The following VGLL3 variants were observed in gnomAD, a reference collection of about 807,000 sequenced individuals.
The protein encoded by VGLL3 is vestigial like family member 3.
Under a neutral mutation model 29.2 loss-of-function variants are expected in VGLL3, and 18 were observed. The ratio of observed to expected loss-of-function variants is 0.62; its 90% CI spans 0.43 to 0.91. The LOEUF (loss-of-function observed/expected upper bound fraction) is 0.91. VGLL3 is among the 40% of genes least tolerant of loss of function. The pLI, the probability that VGLL3 is intolerant of heterozygous loss-of-function variation, is 0.00. For missense variants in VGLL3, 440 were observed against 413.2 expected (o/e 1.06, Z -0.56); for synonymous variants, 180 against 151.8 (o/e 1.19, Z -1.36).
rs1313285588 is a variant in VGLL3, at chr3:86,940,677, CAT to C, written c.*6345_*6346del. On this transcript the variant is annotated 3_prime_UTR_variant, in exon 4 of 4. Transcript: ENST00000398399. Reference sequence around the variant, plus strand: ...TTATTGAACAAATTGAAGATAATGACATATGTTTTTATTACAAAGTCTTCCAT... The same window carrying C: ...TTATTGAACAAATTGAAGATAATGACATGTTTTTATTACAAAGTCTTCCAT... 1 of 152,132 alleles carries C rather than the reference CAT, an allele frequency of 6.6e-6. No homozygotes were observed. Among genetic ancestry groups the C allele is most frequent in the African/African-American group, 2.4e-5 (1 of 41,412 alleles). 9.4% of individuals were successfully genotyped at this position (152,132 alleles called of 1,614,324 possible). A position where few individuals can be genotyped will look rare whatever the true frequency, so the allele number is the denominator to read the frequency against.
intron 3 of VGLL3, among the ~76,000 whole-genome samples, chr3:86,958,393 T>A: frequency 6.6e-6 from 1 of 152,198 alleles, no homozygotes; most frequent in Non-Finnish European, 1.5e-5. Flanking sequence ...CCAAGACGTC[T>A]TTTACAATGA....
At chr3:86,953,900 T>C (rs1308798787) in intron 3 of VGLL3, among the ~76,000 whole-genome samples, 2 of 152,200 alleles carry the variant, frequency 1.3e-5, no homozygotes, top group Non-Finnish European at 2.9e-5. Flanking sequence ...ACAATAATTC[T>C]TTTTAAAGTA....
chr3:86,946,957 C>T lies in VGLL3; in HGVS notation c.*67G>A, dbSNP rs1364399893. The T allele has an allele frequency of 2.5e-5, 19 of 767,350 alleles. No individual in the cohort carries two copies. The highest frequency in any genetic ancestry group is 5.1e-5 in the African/African-American group (3 of 58,630). 47.5% of individuals were successfully genotyped at this position (767,350 alleles called of 1,614,324 possible). ...TGTCCTATTGCTGAATGGAAAAACCCGACAGTATCTTTTCCCAGTGGGCCC... is the reference window on the plus strand; with the variant it reads ...TGTCCTATTGCTGAATGGAAAAACCTGACAGTATCTTTTCCCAGTGGGCCC... On this transcript the variant is annotated 3_prime_UTR_variant, in exon 4 of 4. Transcript: ENST00000398399.
At chr3:86,958,014 A>G (rs1413327650) in intron 3 of VGLL3, among the ~76,000 whole-genome samples, 2 of 152,186 alleles carry the variant, frequency 1.3e-5, no homozygotes, top group African/African-American at 4.8e-5. Context: ...TGCACATACG[A>G]TACAGACAAA....
Position 86,990,670 on chromosome 3 carries a change from G to C in VGLL3, c.74C>G (p.Ala25Gly). The change falls in exon 1 of 4, where the codon GCG becomes GGG. Residue 25 changes from alanine to glycine, a missense_variant. Physicochemically the swap from Ala to Gly is moderately conservative, Grantham distance 60. Coordinates refer to ENST00000398399, the MANE Select transcript of VGLL3 (RefSeq NM_016206.4). ...ATAGTAGGCTGTGGGGCAGGTTGTC[G>C]CTGCCATGGGGTTGGGCAGATACTG... ...ASQYLPNPMA[A>G]TTCPTAYYQP... is the part of the protein sequence containing the mutation. 2 of 1,407,030 alleles carry C rather than the reference G, an allele frequency of 1.4e-6. No homozygotes were observed. The highest frequency in any genetic ancestry group is 9.3e-7 in the Non-Finnish European group (1 of 1,076,660). 87.2% of individuals were successfully genotyped at this position (1,407,030 alleles called of 1,614,324 possible). A position where few individuals can be genotyped will look rare whatever the true frequency, so the allele number is the denominator to read the frequency against.
chr3:86,989,066 A>G lies in VGLL3; in HGVS notation c.126+1552T>C, dbSNP rs1394833877. Reference sequence around the variant, plus strand: ...AATTTGCCATTTTCTCTGATACCGAATGTTATTTTCTAGCTCAAAAAAAAG... The same window carrying G: ...AATTTGCCATTTTCTCTGATACCGAGTGTTATTTTCTAGCTCAAAAAAAAG... On this transcript the variant is annotated intron_variant, in intron 1 of 3. Coordinates refer to ENST00000398399, the MANE Select transcript of VGLL3 (RefSeq NM_016206.4). 2.0e-5 allele frequency among the ~76,000 whole-genome samples: 3 copies of G among 152,148 alleles called. 1 individual carries two copies. The highest frequency in any genetic ancestry group is 4.4e-5 in the Non-Finnish European group (3 of 68,010).
chr3:86,982,449 CTT>C (rs563026048), intron 1 of VGLL3, among the ~76,000 whole-genome samples: 40 of 141,494 alleles, frequency 2.8e-4, no homozygotes, highest in Middle Eastern at 3.6e-3. Flanking sequence ...TCCAGCTCTG[CTT>C]TTTTTTTTTT....
Position 86,939,412 on chromosome 3 carries a change from G to T in VGLL3, c.*7612C>A. 6.6e-6 allele frequency: 1 copy of T among 152,330 alleles called. No homozygotes were observed. The highest frequency in any genetic ancestry group is 1.9e-4 in the East Asian group (1 of 5,194). The allele number at this position is 152,330 out of a possible 1,614,324, so 9.4% of individuals were successfully genotyped here. On this transcript the variant is annotated 3_prime_UTR_variant, in exon 4 of 4. Coordinates refer to ENST00000398399, the MANE Select transcript of VGLL3 (RefSeq NM_016206.4). ...GAGGCCAAGGCAGGCAGATCACGAG[G>T]TCAGGAGACGGAGACCATCCTGGCC...
At chr3:86,953,064 A>G (rs1044885149) in intron 3 of VGLL3, among the ~76,000 whole-genome samples, 2 of 152,180 alleles carry the variant, frequency 1.3e-5, no homozygotes, top group Non-Finnish European at 2.9e-5. Context: ...CAATCTGAGA[A>G]CTGTGATTTC....
In VGLL3 at chr3:86,938,401, G is replaced by T. The variant is rs1704321205; in HGVS notation, c.*8623C>A. ...TTAAGCTTTCAACAGAAGGAATAGG[G>T]GAGTTTAAAGCTATATTTTCCTTTT... On this transcript the variant is annotated 3_prime_UTR_variant, in exon 4 of 4. Transcript: ENST00000398399. 1 of 152,596 alleles carries T rather than the reference G, an allele frequency of 6.6e-6. No individual in the cohort carries two copies. The highest frequency in any genetic ancestry group is 2.4e-5 in the African/African-American group (1 of 41,436). 9.5% of individuals were successfully genotyped at this position (152,596 alleles called of 1,614,324 possible).
At chr3:86,964,374 C>A (rs957587237) in intron 3 of VGLL3, among the ~76,000 whole-genome samples, 1 of 152,152 alleles carries the variant, frequency 6.6e-6, no homozygotes. Flanking sequence ...ATAAAACTTT[C>A]GTTTGTCACT....
intron 3 of VGLL3, 98 bp from the exon 4 acceptor site, chr3:86,947,165 T>G: frequency 4.0e-6 from 3 of 742,890 alleles, no homozygotes; most frequent in Admixed American, 3.6e-5. Context: ...GAAACCAAAA[T>G]GATAATCCAG....
chr3:86,988,038 C>T (rs1290620640), intron 1 of VGLL3, among the ~76,000 whole-genome samples: 1 of 152,036 alleles, frequency 6.6e-6, no homozygotes, highest in African/African-American at 2.4e-5. Flanking sequence ...GTTTAAAATC[C>T]ATCATAAGGA....
At chr3:86,970,170 C>T (rs953913802) in intron 2 of VGLL3, among the ~76,000 whole-genome samples, 5 of 152,152 alleles carry the variant, frequency 3.3e-5, no homozygotes, top group Non-Finnish European at 4.4e-5. Context: ...GATCCCCTAA[C>T]TCTTCATCAG....
At chr3:86,955,325 C>CAT (rs1704696723) in intron 3 of VGLL3, among the ~76,000 whole-genome samples, 1 of 151,506 alleles carries the variant, frequency 6.6e-6, no homozygotes, top group South Asian at 2.1e-4. Context: ...AGATATGTTG[C>CAT]ATATATATCA....
chr3:86,972,517 A>G (rs933245338), intron 2 of VGLL3, among the ~76,000 whole-genome samples: 1 of 152,172 alleles, frequency 6.6e-6, no homozygotes, highest in Non-Finnish European at 1.5e-5. Context: ...AAAGGAAGAG[A>G]TGATATGCTT....
intron 1 of VGLL3, among the ~76,000 whole-genome samples, chr3:86,982,579 T>A (rs1418878668): frequency 6.6e-6 from 1 of 152,156 alleles, no homozygotes; most frequent in East Asian, 1.9e-4. Context: ...TATATAAAAT[T>A]CAAAACATCG....
intron 1 of VGLL3, among the ~76,000 whole-genome samples, chr3:86,988,329 C>CCCATG (rs1464291900): frequency 5.9e-5 from 9 of 151,900 alleles, no homozygotes; most frequent in Non-Finnish European, 1.3e-4. Context: ...GGGGTCACTT[C>CCCATG]CCATGTACGG....
chr3:86,966,942 A>T (rs1704978554), intron 3 of VGLL3, among the ~76,000 whole-genome samples: 1 of 151,286 alleles, frequency 6.6e-6, no homozygotes. Flanking sequence ...TCCAGGGAAC[A>T]AAAACCCTCT....
Sources: allele counts gnomAD v4.1 joint callset (sites outside exome capture counted in the v4.1 genomes callset), GRCh38; gene constraint gnomAD v4.1.1; transcripts MANE v1.5; gene names NCBI Gene and HGNC (gene_info 2026-07-23, HGNC 2026-07-21).